Variants in STARD8 observed in about 807,000 individuals in gnomAD.
STARD8 encodes stAR-related lipid transfer protein 8.
In STARD8, 25 loss-of-function variants were observed where a neutral mutation model predicts 69.4. The observed-to-expected ratio is 0.36, with a 90% CI of 0.26 to 0.50. The LOEUF is 0.50. STARD8 is among the 20% of genes least tolerant of loss of function. STARD8 has a pLI of 0.96. For missense variants in STARD8, 921 were observed against 932.5 expected, an observed-to-expected ratio of 0.99 and a Z score of 0.16; for synonymous variants, 389 against 374.6, an observed-to-expected ratio of 1.04 and a Z score of -0.45.
intron 2 of STARD8, among the ~76,000 whole-genome samples, chrX:68,711,292 G>GAGAC (rs1440211568): frequency 9.2e-6 from 1 of 109,155 alleles, no homozygotes; most frequent in Non-Finnish European, 1.9e-5. Context: ...GAGAGACAGA[G>GAGAC]AGAGAAAGAG....
In STARD8 at chrX:68,716,351, CT is replaced by C. The variant is rs751718132; in HGVS notation, c.234-15del. 2.6e-5 allele frequency: 31 copies of C among 1,206,935 alleles called. No homozygotes were observed. The South Asian group carries it at 5.3e-4, about 21-fold the overall frequency. ...GGGGATGGGGACCCTTGGTTGGACACTTCCATTTTGTTACAGGAGGCTGATG... is the reference window on the plus strand; with the variant it reads ...GGGGATGGGGACCCTTGGTTGGACACTCCATTTTGTTACAGGAGGCTGATG... On this transcript the variant is annotated splice_polypyrimidine_tract_variant and intron_variant, in intron 4 of 14. Coordinates refer to ENST00000374599, the MANE Select transcript of STARD8 (RefSeq NM_001142503.3).
At chrX:68,686,696 T>C (rs1388282032) in intron 2 of STARD8, among the ~76,000 whole-genome samples, 4 of 112,835 alleles carry the variant, frequency 3.5e-5, no homozygotes, top group Non-Finnish European at 7.5e-5. Flanking sequence ...TTGAGTCCTA[T>C]GTCCATTTGT....
intron 2 of STARD8, among the ~76,000 whole-genome samples, chrX:68,689,172 T>C (rs1024086097): frequency 6.6e-5 from 7 of 105,588 alleles, no homozygotes; most frequent in Non-Finnish European, 1.4e-4. Flanking sequence ...AGGGCAGGAA[T>C]GGGGTGGGGC....
At chrX:68,668,117 C>CT (rs1220052987) in intron 2 of STARD8, among the ~76,000 whole-genome samples, 2 of 90,461 alleles carry the variant, frequency 2.2e-5, no homozygotes, top group African/African-American at 8.6e-5. Flanking sequence ...TTCTTTCTGT[C>CT]TTTCTTTCTT....
intron 2 of STARD8, among the ~76,000 whole-genome samples, chrX:68,699,489 G>T (rs2079949439): frequency 8.9e-6 from 1 of 112,172 alleles, no homozygotes; most frequent in Non-Finnish European, 1.9e-5. Flanking sequence ...GGTTCCGAGT[G>T]TGCCCTCTGG....
chrX:68,693,452 T>A (rs918041324), intron 2 of STARD8, among the ~76,000 whole-genome samples: 2 of 112,695 alleles, frequency 1.8e-5, no homozygotes, highest in Non-Finnish European at 1.9e-5. Context: ...ACCTCCTCCC[T>A]GGCAGCGGTG....
chrX:68,681,115 C>T (rs935244776), intron 2 of STARD8, among the ~76,000 whole-genome samples: 2 of 111,490 alleles, frequency 1.8e-5, no homozygotes, highest in African/African-American at 6.5e-5. Context: ...TCCAGCAACC[C>T]TTCTAAGACT....
chrX:68,660,741 C>T (rs1253266387), intron 1 of STARD8, among the ~76,000 whole-genome samples: 1 of 112,664 alleles, frequency 8.9e-6, no homozygotes, highest in African/African-American at 3.2e-5. Flanking sequence ...CACATGGACT[C>T]CCATGTACGT....
chrX:68,695,569 G>A (rs1351387415), intron 2 of STARD8, among the ~76,000 whole-genome samples: 1 of 111,101 alleles, frequency 9.0e-6, no homozygotes, highest in Non-Finnish European at 1.9e-5. Context: ...GATATCTGGA[G>A]GTGTTTAGAG....
In STARD8 at chrX:68,689,816, G is replaced by C. The variant is rs2079862858; in HGVS notation, c.80-23098G>C. 2.7e-5 allele frequency among the ~76,000 whole-genome samples: 3 copies of C among 110,710 alleles called. No individual in the cohort carries two copies. The Admixed American group carries it at 2.9e-4, about 11-fold the overall frequency. On this transcript the variant is annotated intron_variant, in intron 2 of 14. Transcript: ENST00000374599. ...GGCTGAGAGGGGGTGCTCCTTCCAG[G>C]ATGTAGCTTTCTGTCCTCTGTCCAC... is the stretch of plus-strand genomic sequence containing the variant.
At chrX:68,711,263 CGAGAGAGA>C (rs1342461488) in intron 2 of STARD8, among the ~76,000 whole-genome samples, 1 of 106,888 alleles carries the variant, frequency 9.4e-6, no homozygotes, top group Admixed American at 9.9e-5. Context: ...GAGAAAGAGA[CGAGAGAGA>C]GAGAGAGACA....
At chrX:68,677,064 T>G (rs2079769755) in intron 2 of STARD8, among the ~76,000 whole-genome samples, 1 of 110,858 alleles carries the variant, frequency 9.0e-6, no homozygotes, top group Non-Finnish European at 1.9e-5. Context: ...GAGGATGGCT[T>G]GAGCCTGGGA....
chrX:68,701,352 A>G (rs902092009), intron 2 of STARD8, among the ~76,000 whole-genome samples: 2 of 113,041 alleles, frequency 1.8e-5, no homozygotes, highest in African/African-American at 6.4e-5. Context: ...AGCTGGGATC[A>G]GGACCCAGGT....
chrX:68,721,992 T>C (rs2080153300), intron 10 of STARD8, 55 bp from the exon 11 acceptor site: 1 of 1,082,222 alleles, frequency 9.2e-7, no homozygotes, highest in African/African-American at 1.8e-5. Flanking sequence ...CTGTCTGCCA[T>C]CTTGTCTTGT....
At chrX:68,660,031 G>A (rs890618638) in intron 1 of STARD8, among the ~76,000 whole-genome samples, 7 of 111,118 alleles carry the variant, frequency 6.3e-5, no homozygotes, top group Non-Finnish European at 1.3e-4. Context: ...AGTCATCCTG[G>A]TGGATAGAGA....
intron 2 of STARD8, among the ~76,000 whole-genome samples, chrX:68,668,236 C>CTTTCTT (rs1556021612): frequency 2.7e-5 from 2 of 73,211 alleles, no homozygotes; most frequent in Admixed American, 1.6e-4. Context: ...CTTTTTTCTC[C>CTTTCTT]TCTTTCTTTC....
chrX:68,663,319 C>T (rs1337552844), intron 1 of STARD8, among the ~76,000 whole-genome samples: 2 of 111,724 alleles, frequency 1.8e-5, no homozygotes, highest in Admixed American at 1.9e-4. Context: ...AAATAGAGTG[C>T]CATAAAATTG....
rs1238787793 is a variant in STARD8 at position 68,721,729 on chromosome X, G to A, written c.2442G>A (p.Lys814=). Residue 814 remains lysine (K), a synonymous_variant, in exon 10 of 15, where the codon AAG becomes AAA. Coordinates refer to ENST00000374599, the MANE Select transcript of STARD8 (RefSeq NM_001142503.3). ...PSIFHLNVSK[K]DSPSPRIKSK... ...TCTTCCACCTCAATGTCTCTAAGAA[G>A]GATAGCCCCTCTCCCAGGTGAAATG... The A allele has an allele frequency of 1.7e-6, 2 of 1,210,973 alleles. No homozygotes were observed. Among genetic ancestry groups the A allele is most frequent in the East Asian group, 5.9e-5 (2 of 33,850 alleles).
chrX:68,693,458 C>T (rs977976676), intron 2 of STARD8, among the ~76,000 whole-genome samples: 1 of 112,714 alleles, frequency 8.9e-6, no homozygotes, highest in African/African-American at 3.2e-5. Flanking sequence ...TCCCTGGCAG[C>T]GGTGTGACCG....
Sources: allele counts gnomAD v4.1 joint callset (sites outside exome capture counted in the v4.1 genomes callset), GRCh38; gene constraint gnomAD v4.1.1; transcripts MANE v1.5; gene names NCBI Gene and HGNC (gene_info 2026-07-23, HGNC 2026-07-21).